The following PTPRN2 variants were observed in gnomAD, a reference collection of about 807,000 sequenced individuals.
PTPRN2 encodes the protein receptor-type tyrosine-protein phosphatase N2.
A neutral mutation model predicts 118.8 loss-of-function variants in PTPRN2; 74 were observed. That is an observed-to-expected ratio of 0.62 (90% confidence interval 0.52 to 0.76). The LOEUF is 0.76. Among genes scored for constraint, PTPRN2 ranks in the 30% least tolerant of loss-of-function variants. The pLI, the probability that PTPRN2 is intolerant of heterozygous loss-of-function variation, is 0.00. For synonymous variants in PTPRN2, 641 were observed against 608.0 expected, an observed-to-expected ratio of 1.05 and a Z score of -0.80; for missense variants, 1,481 against 1,394.4, an observed-to-expected ratio of 1.06 and a Z score of -0.99.
intron 11 of PTPRN2, among the ~76,000 whole-genome samples, chr7:158,053,888 CCCCAGAGATGCAGA>C (rs1809544365): frequency 2.0e-5 from 3 of 149,412 alleles, no homozygotes; most frequent in Non-Finnish European, 4.4e-5. Context: ...GATGCAGAGA[CCCCAGAGATGCAGA>C]GACCCCAGAG....
chr7:158,146,465 T>C (rs1179904924), intron 6 of PTPRN2, among the ~76,000 whole-genome samples: 1 of 152,066 alleles, frequency 6.6e-6, no homozygotes, highest in Non-Finnish European at 1.5e-5. Flanking sequence ...CTCACACCTG[T>C]AATCCCAGCA....
At chr7:158,488,765 G>T (rs1351412348) in intron 2 of PTPRN2, among the ~76,000 whole-genome samples, 3 of 152,260 alleles carry the variant, frequency 2.0e-5, no homozygotes, top group African/African-American at 4.8e-5. Flanking sequence ...GATTAAATCC[G>T]CTCCTGCCCA....
intron 11 of PTPRN2, among the ~76,000 whole-genome samples, chr7:158,071,767 T>TG (rs1563393402): frequency 2.3e-5 from 3 of 128,714 alleles, no homozygotes; most frequent in African/African-American, 1.0e-4. Context: ...GTGCTCGTGG[T>TG]GATGGAGGTG....
intron 14 of PTPRN2, among the ~76,000 whole-genome samples, chr7:157,646,037 G>A (rs1210548574): frequency 6.6e-6 from 1 of 152,258 alleles, no homozygotes; most frequent in Non-Finnish European, 1.5e-5. Flanking sequence ...TCAGGGAAGA[G>A]AGTGGAGCCT....
intron 12 of PTPRN2, among the ~76,000 whole-genome samples, chr7:157,731,532 C>A (rs1489640174): frequency 0.018 from 2,496 of 138,516 alleles, 123 homozygotes; most frequent in African/African-American, 0.076. Flanking sequence ...CCGTCCCATG[C>A]GCCCAGCACA....
intron 2 of PTPRN2, among the ~76,000 whole-genome samples, chr7:158,331,690 A>G: frequency 6.7e-6 from 1 of 149,146 alleles, no homozygotes; most frequent in South Asian, 2.1e-4. Flanking sequence ...AAGAGGTGAC[A>G]CTTGCAGACG....
At chr7:157,876,533 TG>T (rs1316482262) in intron 12 of PTPRN2, among the ~76,000 whole-genome samples, 1 of 152,208 alleles carries the variant, frequency 6.6e-6, no homozygotes, top group African/African-American at 2.4e-5. Flanking sequence ...GGTCCTCTCA[TG>T]AGTAAACGGC....
chr7:158,522,318 AGTGGCTCG>A (rs1563389704), intron 1 of PTPRN2, among the ~76,000 whole-genome samples: 2 of 20,610 alleles, frequency 9.7e-5, no homozygotes, highest in African/African-American at 1.8e-4. Context: ...CTGTCCGGGT[AGTGGCTCG>A]GGAGGGAGGT....
intron 11 of PTPRN2, among the ~76,000 whole-genome samples, chr7:158,075,841 G>A (rs1349185680): frequency 6.6e-6 from 1 of 152,224 alleles, no homozygotes; most frequent in Non-Finnish European, 1.5e-5. Context: ...CTGGAGCCCA[G>A]GAGCCCCCAG....
intron 2 of PTPRN2, 27 bp from the exon 3 acceptor site, chr7:158,316,959 G>A (rs372325670): frequency 3.0e-5 from 46 of 1,536,710 alleles, no homozygotes; most frequent in Non-Finnish European, 4.0e-5. Context: ...AGATAAGACA[G>A]AACGAGACGT....
In PTPRN2 at chr7:158,250,896, G is replaced by A. The variant is rs183225562; in HGVS notation, c.278-45623C>T. Among the ~76,000 whole-genome samples, 394 of 152,130 alleles carry A rather than the reference G, an allele frequency of 2.6e-3. 6 individuals are homozygous for A. The highest frequency in any genetic ancestry group is 9.1e-3 in the African/African-American group (376 of 41,510). ...CTGGTAGAGAAAAAATTAACAATTC[G>A]CTTATTCTTAAAGTGTTTGTGGGGA... On this transcript the variant is annotated intron_variant, in intron 3 of 22. Transcript: ENST00000389418.
chr7:157,997,836 G>T (rs1353393949), intron 11 of PTPRN2, among the ~76,000 whole-genome samples: 3 of 140,004 alleles, frequency 2.1e-5, no homozygotes, highest in African/African-American at 8.1e-5. Context: ...CGGGAGAGGA[G>T]TGCAGGGGAG....
intron 2 of PTPRN2, among the ~76,000 whole-genome samples, chr7:158,322,886 A>G (rs1803154983): frequency 6.6e-6 from 1 of 152,214 alleles, no homozygotes; most frequent in Non-Finnish European, 1.5e-5. Flanking sequence ...ATGGCGGGTA[A>G]ACAGAGCAGC....
intron 2 of PTPRN2, among the ~76,000 whole-genome samples, chr7:158,343,063 G>A (rs1305220078): frequency 1.3e-5 from 2 of 152,108 alleles, no homozygotes; most frequent in Non-Finnish European, 2.9e-5. Flanking sequence ...AAGAAAGAAT[G>A]TAACCATCAA....
At position 158,167,215 on chromosome 7, in the gene PTPRN2, C is replaced by T. The variant is rs201472142; in HGVS notation, c.626G>A (p.Arg209Gln). The T allele has an allele frequency of 9.5e-5, 154 of 1,613,312 alleles. No homozygotes were observed. Among genetic ancestry groups the T allele is most frequent in the African/African-American group, 2.7e-4 (20 of 74,828 alleles). The change falls in exon 6 of 23, where the codon CGG (arginine) becomes CAG (glutamine). Residue 209 changes from arginine (R) to glutamine (Q), a missense_variant. By Grantham distance (43) the Arg-to-Gln change is conservative (BLOSUM62 1). Coordinates refer to ENST00000389418, the MANE Select transcript of PTPRN2 (RefSeq NM_002847.5). ...TSALTYPPGSRTQLREDLLPR... is the reference protein window; with the variant it reads ...TSALTYPPGSQTQLREDLLPR... ...CAGGAGGTCCTCGCGGAGCTGGGTC[C>T]GGGACCCGGGAGGGTAGGTCAGCGC...
At chr7:158,071,368 TGGTGGTGGA>T (rs1811538934) in intron 11 of PTPRN2, among the ~76,000 whole-genome samples, 1 of 78,256 alleles carries the variant, frequency 1.3e-5, no homozygotes, top group Non-Finnish European at 2.5e-5. Flanking sequence ...GAGGTGCTCA[TGGTGGTGGA>T]GGTGCTCGTG....
chr7:158,295,220 C>T (rs868187444), intron 3 of PTPRN2, among the ~76,000 whole-genome samples: 269 of 54,842 alleles, frequency 4.9e-3, no homozygotes, highest in Admixed American at 5.6e-3. Flanking sequence ...CCATGGGGCC[C>T]GCTGACCCTG....
chr7:158,130,570 C>A (rs542551928), intron 9 of PTPRN2, among the ~76,000 whole-genome samples: 1 of 146,332 alleles, frequency 6.8e-6, no homozygotes, highest in South Asian at 2.1e-4. Flanking sequence ...CACTCATATA[C>A]ACACATGCAC....
chr7:157,706,138 T>C (rs1040801072), intron 12 of PTPRN2, among the ~76,000 whole-genome samples: 1 of 149,890 alleles, frequency 6.7e-6, no homozygotes, highest in African/African-American at 2.5e-5. Flanking sequence ...ATGCTGGGAA[T>C]TGAGCAAATC....
Sources: allele counts gnomAD v4.1 joint callset (sites outside exome capture counted in the v4.1 genomes callset), GRCh38; gene constraint gnomAD v4.1.1; transcripts MANE v1.5; gene names NCBI Gene and HGNC (gene_info 2026-07-23, HGNC 2026-07-21).